Variants in SHISA9 observed in about 807,000 individuals in gnomAD.
The protein encoded by SHISA9 is protein shisa-9.
A neutral mutation model predicts 38.0 loss-of-function variants in SHISA9; 13 were observed. The observed-to-expected ratio is 0.34, with a 90% confidence interval of 0.22 to 0.54. The LOEUF (loss-of-function observed/expected upper bound fraction) is 0.54, where lower values mean the gene tolerates loss of function less well. Among genes scored for constraint, SHISA9 ranks in the 20% least tolerant of loss-of-function variants. SHISA9 has a pLI of 0.91. For synonymous variants in SHISA9, 275 were observed against 242.0 expected, an observed-to-expected ratio of 1.14 and a Z score of -1.27; for missense variants, 538 against 575.8, an observed-to-expected ratio of 0.93 and a Z score of 0.67.
intron 2 of SHISA9, among the ~76,000 whole-genome samples, chr16:13,104,955 ATTAC>A (rs1332894514): frequency 2.3e-4 from 35 of 152,290 alleles, no homozygotes; most frequent in African/African-American, 7.2e-4. Flanking sequence ...GCCACTGTCA[ATTAC>A]TTACGTTGGT....
At chr16:12,979,376 G>T (rs950109804) in intron 2 of SHISA9, among the ~76,000 whole-genome samples, 1 of 151,440 alleles carries the variant, frequency 6.6e-6, no homozygotes, top group Non-Finnish European at 1.5e-5. Context: ...TACTCCCATC[G>T]TTCCATGCAG....
At chr16:13,161,965 G>T (rs1426035056) in intron 2 of SHISA9, among the ~76,000 whole-genome samples, 1 of 152,168 alleles carries the variant, frequency 6.6e-6, no homozygotes, top group African/African-American at 2.4e-5. Flanking sequence ...TCTTATGGCT[G>T]TTCTTTTTTA....
intron 2 of SHISA9, among the ~76,000 whole-genome samples, chr16:12,950,259 C>A (rs528001831): frequency 6.6e-6 from 1 of 152,142 alleles, no homozygotes; most frequent in East Asian, 1.9e-4. Context: ...TTTTCTCTAT[C>A]CATTCTTTGG....
the SHISA9 span, among the ~76,000 whole-genome samples, chr16:13,459,598 A>C: frequency 7.9e-5 from 12 of 152,248 alleles, no homozygotes; most frequent in South Asian, 1.2e-3. Flanking sequence ...TCAAAAACAG[A>C]TATCACTGAA....
the SHISA9 span, among the ~76,000 whole-genome samples, chr16:13,513,646 C>G: frequency 6.6e-6 from 1 of 152,190 alleles, no homozygotes; most frequent in Admixed American, 6.5e-5. Context: ...CCACGGAATA[C>G]TATGCAGCTG....
At chr16:13,189,417 A>G (rs2050861182) in intron 2 of SHISA9, among the ~76,000 whole-genome samples, 1 of 152,244 alleles carries the variant, frequency 6.6e-6, no homozygotes, top group Non-Finnish European at 1.5e-5. Context: ...CAAACCTGGC[A>G]TCGAATCCTG....
chr16:13,465,372 G>T, the SHISA9 span, among the ~76,000 whole-genome samples: 2 of 152,166 alleles, frequency 1.3e-5, no homozygotes, highest in African/African-American at 4.8e-5. Context: ...GTTCATTTTG[G>T]CAGAACTGGA....
chr16:13,248,373 C>CA, the SHISA9 span, among the ~76,000 whole-genome samples: 6 of 151,950 alleles, frequency 3.9e-5, no homozygotes, highest in Non-Finnish European at 7.4e-5. Flanking sequence ...CCCCCTTCTC[C>CA]AAAAAATAAA....
chr16:12,919,580 G>A (rs1019001838), intron 2 of SHISA9, among the ~76,000 whole-genome samples: 3 of 152,118 alleles, frequency 2.0e-5, no homozygotes, highest in Non-Finnish European at 2.9e-5. Context: ...TTAGTCAAAT[G>A]GTAAGATAAT....
chr16:13,035,255 G>C (rs1365910002), intron 2 of SHISA9, among the ~76,000 whole-genome samples: 1 of 152,176 alleles, frequency 6.6e-6, no homozygotes, highest in Non-Finnish European at 1.5e-5. Context: ...CATTTAGGTA[G>C]GTTGCACTAG....
At chr16:13,046,640 C>T (rs982716538) in intron 2 of SHISA9, among the ~76,000 whole-genome samples, 1 of 152,178 alleles carries the variant, frequency 6.6e-6, no homozygotes, top group African/African-American at 2.4e-5. Flanking sequence ...TCCATGGCTC[C>T]CTATTGCTTT....
chr16:13,084,356 C>T (rs558642426), intron 2 of SHISA9, among the ~76,000 whole-genome samples: 6 of 152,330 alleles, frequency 3.9e-5, no homozygotes, highest in East Asian at 1.9e-4. Context: ...TCAATGACCT[C>T]CCTGCTGCTT....
chr16:13,011,487 TC>T (rs2072674267), intron 2 of SHISA9, among the ~76,000 whole-genome samples: 1 of 152,114 alleles, frequency 6.6e-6, no homozygotes, highest in African/African-American at 2.4e-5. Context: ...CATTTCCTCG[TC>T]CCACCCCATC....
intron 2 of SHISA9, among the ~76,000 whole-genome samples, chr16:13,012,655 C>G (rs2072692712): frequency 1.3e-5 from 2 of 152,344 alleles, no homozygotes; most frequent in African/African-American, 4.8e-5. Flanking sequence ...AATCAGGTCA[C>G]AGAGAAGGAG....
intron 2 of SHISA9, among the ~76,000 whole-genome samples, chr16:13,033,187 A>T (rs1007986514): frequency 1.3e-5 from 2 of 152,168 alleles, no homozygotes; most frequent in Admixed American, 1.3e-4. Flanking sequence ...TTCTGAAATC[A>T]TCATGCAGTG....
chr16:13,098,127 G>A (rs886307571), intron 2 of SHISA9, among the ~76,000 whole-genome samples: 1 of 152,182 alleles, frequency 6.6e-6, no homozygotes, highest in Non-Finnish European at 1.5e-5. Flanking sequence ...TTTTGGACCA[G>A]GGTTAGTTGA....
At position 12,943,371 on chromosome 16, in the gene SHISA9, G is replaced by C. The variant is rs1029194430; in HGVS notation, c.691+26556G>C. 2.4e-4 allele frequency among the ~76,000 whole-genome samples: 26 copies of C among 107,914 alleles called. No individual in the cohort carries two copies. The South Asian group carries it at 7.6e-3, about 32-fold the overall frequency. 70.8% of individuals were successfully genotyped at this position (107,914 alleles called of 152,430 possible). A position where few individuals can be genotyped will look rare whatever the true frequency, so the allele number is the denominator to read the frequency against. On this transcript the variant is annotated intron_variant, in intron 2 of 4. Transcript: ENST00000558583. The stretch of plus-strand genomic sequence containing the variant: ...AGAGAGAGAGAGAGAGAGAGAGAGA[G>C]AGAGAGAGAGAGAGAGAGAGATCCT...
At chr16:13,496,204 G>A in the SHISA9 span, among the ~76,000 whole-genome samples, 2 of 152,066 alleles carry the variant, frequency 1.3e-5, no homozygotes, top group Non-Finnish European at 1.5e-5. Context: ...GTTTTACCTG[G>A]AAAGATGAAA....
chr16:13,323,146 G>T, the SHISA9 span, among the ~76,000 whole-genome samples: 1 of 152,164 alleles, frequency 6.6e-6, no homozygotes, highest in Non-Finnish European at 1.5e-5. Flanking sequence ...ACAATTAAAG[G>T]AGGTAATTTA....
Sources: allele counts gnomAD v4.1 joint callset (sites outside exome capture counted in the v4.1 genomes callset), GRCh38; gene constraint gnomAD v4.1.1; transcripts MANE v1.5; gene names NCBI Gene and HGNC (gene_info 2026-07-23, HGNC 2026-07-21).